The following ASMTL variants were observed in gnomAD, a reference collection of about 807,000 sequenced individuals.
ASMTL encodes probable bifunctional dTTP/UTP pyrophosphatase/methyltransferase protein.
ASMTL carries 57 observed loss-of-function variants against 60.3 expected under a neutral mutation model. The ratio of observed to expected loss-of-function variants is 0.95; its 90% CI spans 0.76 to 1.18. ASMTL has a LOEUF of 1.18. Ranked by LOEUF, ASMTL falls within the 50% of genes most tolerant of loss-of-function variation. ASMTL has a pLI of 0.00. For missense variants in ASMTL, 981 were observed against 852.6 expected, an observed-to-expected ratio of 1.15 and a Z score of -1.88; for synonymous variants, 419 against 373.0, an observed-to-expected ratio of 1.12 and a Z score of -1.42.
At chrX:1,444,571 G>C (rs541502852) in intron 1 of ASMTL, among the ~76,000 whole-genome samples, 1 of 152,178 alleles carries the variant, frequency 6.6e-6, no homozygotes, top group African/African-American at 2.4e-5. Context: ...ACCCAGGACA[G>C]GTGTTACGGA....
At chrX:1,432,910 C>T (rs1379491754) in intron 5 of ASMTL, among the ~76,000 whole-genome samples, 35 of 152,204 alleles carry the variant, frequency 2.3e-4, no homozygotes, top group Non-Finnish European at 7.3e-5. Context: ...CCAGCCTGGC[C>T]AACATGGCGA....
rs772174511 is a variant in ASMTL, at chrX:1,435,698, A to G, written c.334T>C (p.Ser112Pro). ...AGAGGCCAACATGGTGCTTACCGGG[A>G]CAGCATCCTGTAGGCGTCCTGCTTG... ...VDKQDAYRML[S>P]RLSGREHSVF... Residue 112 changes from serine to proline, a missense_variant, in exon 4 of 13, where the codon TCC becomes CCC. Ser to Pro is a moderately conservative substitution (Grantham distance 74). Transcript: ENST00000381317. The G allele has an allele frequency of 6.2e-7, 1 of 1,613,544 alleles. No individual in the cohort carries two copies. The highest frequency in any genetic ancestry group is 8.5e-7 in the Non-Finnish European group (1 of 1,179,794).
chrX:1,444,302 A>G (rs1255769553), intron 1 of ASMTL, among the ~76,000 whole-genome samples: 2 of 150,404 alleles, frequency 1.3e-5, no homozygotes, highest in Non-Finnish European at 2.9e-5. Context: ...TCCATCTCCC[A>G]GGATCAAGCG....
rs761284758 is a variant in ASMTL, at chrX:1,425,597, C to T, written c.988G>A (p.Ala330Thr). The T allele has an allele frequency of 1.4e-5, 23 of 1,613,690 alleles. No homozygotes were observed. The highest frequency in any genetic ancestry group is 3.3e-5 in the Admixed American group (2 of 59,990). The change falls in exon 8 of 13, where the codon GCC becomes ACC. Residue 330 changes from alanine to threonine, a missense_variant. Transcript: ENST00000381317. ...AGCCTCTCCATTCCACACGCAGAGG[C>T]GTCCACTTTGCTGGCAATATCCGCA... ...KAADIASKVDASACGMERLLD... is the reference protein window; with the variant it reads ...KAADIASKVDTSACGMERLLD...
intron 1 of ASMTL, among the ~76,000 whole-genome samples, chrX:1,447,379 T>C: frequency 6.6e-6 from 1 of 151,520 alleles, no homozygotes; most frequent in African/African-American, 2.4e-5. Flanking sequence ...CACATGGCCA[T>C]CTTGGAGAAG....
chrX:1,446,558 G>A (rs1268211815), intron 1 of ASMTL, among the ~76,000 whole-genome samples: 1 of 146,786 alleles, frequency 6.8e-6, no homozygotes, highest in Non-Finnish European at 1.5e-5. Flanking sequence ...GGAGTGCAGT[G>A]GTGCCATCTC....
chrX:1,435,360 C>G (rs1176829497), intron 4 of ASMTL: 4 of 607,612 alleles, frequency 6.6e-6, no homozygotes, highest in Non-Finnish European at 1.2e-5. Flanking sequence ...TGCATCTCTT[C>G]CACGTCCTGG....
At chrX:1,440,582 A>G (rs183366640) in intron 2 of ASMTL, among the ~76,000 whole-genome samples, 25 of 152,354 alleles carry the variant, frequency 1.6e-4, no homozygotes, top group Admixed American at 1.3e-3. Context: ...TATAACATAT[A>G]GTAATTGATA....
At chrX:1,433,139 C>T in intron 5 of ASMTL, among the ~76,000 whole-genome samples, 1 of 152,070 alleles carries the variant, frequency 6.6e-6, no homozygotes, top group Admixed American at 6.6e-5. Flanking sequence ...TGGTCTGTGC[C>T]TCAGGGTCCG....
At chrX:1,435,827 C>G in intron 3 of ASMTL, 69 bp from the exon 4 acceptor site, 1 of 1,322,026 alleles carries the variant, frequency 7.6e-7, no homozygotes, top group Non-Finnish European at 1.1e-6. Context: ...GTCCCACGGT[C>G]CCATTCGCAG....
intron 11 of ASMTL, among the ~76,000 whole-genome samples, chrX:1,417,323 A>G (rs1360768258): frequency 1.3e-5 from 2 of 151,982 alleles, no homozygotes; most frequent in Admixed American, 6.6e-5. Context: ...ATACACAGAC[A>G]TGCACACATA....
At chrX:1,430,936 ATAAC>A (rs1311915329) in intron 6 of ASMTL, among the ~76,000 whole-genome samples, 6 of 142,900 alleles carry the variant, frequency 4.2e-5, no homozygotes, top group East Asian at 2.0e-4. Flanking sequence ...TATATTATAT[ATAAC>A]TAATATGTAT....
chrX:1,417,763 ATGTCACAGGTAT>A, intron 11 of ASMTL, among the ~76,000 whole-genome samples, 198 bp downstream of exon 11: 1 of 1,162 alleles, frequency 8.6e-4, no homozygotes, highest in Non-Finnish European at 4.0e-3. Context: ...GACATGCTCC[ATGTCACAGGTAT>A]GCTCCAGGGC....
At chrX:1,435,542 C>A in intron 4 of ASMTL, 152 bp downstream of exon 4, 1 of 711,962 alleles carries the variant, frequency 1.4e-6, no homozygotes, top group Non-Finnish European at 2.5e-6. Flanking sequence ...TGCCTGCCTC[C>A]CTGCATAGCT....
rs376445345 is a variant in ASMTL at position 1,439,147 on chromosome X, G to C, written c.226-3C>G. The C allele has an allele frequency of 1.9e-5, 31 of 1,613,888 alleles. No individual in the cohort carries two copies. Among genetic ancestry groups the C allele is most frequent in the Non-Finnish European group, 2.5e-5 (29 of 1,179,856 alleles). On this transcript the variant is annotated splice_polypyrimidine_tract_variant and splice_region_variant and intron_variant, in intron 2 of 12. Coordinates refer to ENST00000381317, the MANE Select transcript of ASMTL (RefSeq NM_004192.4). The stretch of plus-strand genomic sequence containing the variant: ...ACGTCGGGGGCCCGCAGGTCTTTCT[G>C]TAAGAAAACCAGATTCCGGTTTACC...
At chrX:1,421,184 C>G (rs1410034177) in intron 9 of ASMTL, among the ~76,000 whole-genome samples, 2 of 151,906 alleles carry the variant, frequency 1.3e-5, no homozygotes, top group Non-Finnish European at 2.9e-5. Context: ...AGGTTGGTCT[C>G]GCACTCCTGA....
intron 11 of ASMTL, among the ~76,000 whole-genome samples, chrX:1,417,278 C>T (rs1262889143): frequency 6.9e-6 from 1 of 144,258 alleles, no homozygotes; most frequent in Non-Finnish European, 1.5e-5. Flanking sequence ...ACAGCATACA[C>T]ACAAATGCAG....
chrX:1,418,033 C>G lies in ASMTL; in HGVS notation c.1462G>C (p.Glu488Gln). The change falls in exon 11 of 13, where the codon GAG becomes CAG. Residue 488 changes from glutamate to glutamine, a missense_variant. Physicochemically the swap from Glu to Gln is conservative, Grantham distance 29. Transcript: ENST00000381317. ...VTVFDLPDII[E>Q]LAAHFQPPGP... ...GGGGGTTGGAAGTGGGCGGCCAGCT[C>G]GATAATGTCTGGGAGGTCAAACACA... is the stretch of plus-strand genomic sequence containing the variant. 3 of 1,613,508 alleles carry G rather than the reference C, an allele frequency of 1.9e-6. No individual in the cohort carries two copies. The highest frequency in any genetic ancestry group is 2.2e-5 in the East Asian group (1 of 44,862).
At position 1,411,190 on chromosome X, in the gene ASMTL, A is replaced by G. The variant is rs1343323069; in HGVS notation, c.1645+1542T>C. ...CAGAGCGAGACTCCGTCTCAAAAAA[A>G]AAAAAGAAGAGAGATACACAGAGAA... On this transcript the variant is annotated intron_variant, in intron 12 of 12. Coordinates refer to ENST00000381317, the MANE Select transcript of ASMTL (RefSeq NM_004192.4). Among the ~76,000 whole-genome samples the G allele has an allele frequency of 2.1e-5, 3 of 146,132 alleles. No homozygotes were observed. The East Asian group carries it at 6.2e-4, about 30-fold the overall frequency.
Sources: allele counts gnomAD v4.1 joint callset (sites outside exome capture counted in the v4.1 genomes callset), GRCh38; gene constraint gnomAD v4.1.1; transcripts MANE v1.5; gene names NCBI Gene and HGNC (gene_info 2026-07-23, HGNC 2026-07-21).